The following GRIN2D variants were observed in gnomAD, a reference collection of about 807,000 sequenced individuals.
The protein encoded by GRIN2D is glutamate receptor ionotropic, NMDA 2D.
Under a neutral mutation model 103.2 loss-of-function variants are expected in GRIN2D, and 37 were observed. The observed-to-expected ratio is 0.36, with a 90% confidence interval of 0.28 to 0.47. The LOEUF is 0.47. Ranked by LOEUF, GRIN2D falls within the 20% of genes least tolerant of loss-of-function variation. The probability of loss-of-function intolerance (pLI) is 1.00; values close to 1 mark genes in which losing one functional copy is unlikely to be tolerated. For synonymous variants in GRIN2D, 845 were observed against 885.6 expected (o/e 0.95, Z 0.81); for missense variants, 1,557 against 1,910.6 (o/e 0.81, Z 3.45).
At chr19:48,408,025 C>T (rs1319090643) in intron 4 of GRIN2D, among the ~76,000 whole-genome samples, 2 of 151,950 alleles carry the variant, frequency 1.3e-5, no homozygotes, top group Admixed American at 1.3e-4. Context: ...TCCATCTCTA[C>T]AAAAAATTTA....
At chr19:48,428,542 T>C (rs1253010785) in intron 11 of GRIN2D, among the ~76,000 whole-genome samples, 3 of 151,994 alleles carry the variant, frequency 2.0e-5, no homozygotes, top group Admixed American at 1.3e-4. Flanking sequence ...TTTGTATTTT[T>C]AGTAGAGACG....
At chr19:48,401,258 G>A (rs946764158) in intron 3 of GRIN2D, among the ~76,000 whole-genome samples, 4 of 149,982 alleles carry the variant, frequency 2.7e-5, no homozygotes, top group Non-Finnish European at 3.0e-5. Flanking sequence ...AGTTCTAGAG[G>A]GGGGGGGAAA....
intron 11 of GRIN2D, among the ~76,000 whole-genome samples, chr19:48,432,618 A>G (rs1971171339): frequency 6.6e-6 from 1 of 151,494 alleles, no homozygotes; most frequent in Admixed American, 6.6e-5. Flanking sequence ...AGCTTGGACT[A>G]CAGGTGTGTG....
chr19:48,421,772 C>T lies in GRIN2D; in HGVS notation c.2092-13C>T. ...TGCGGAGGGTGCCCTAATCACTCCC[C>T]ATTCTGCCCCAGTTCCAGAGGCCCC... On this transcript the variant is annotated splice_polypyrimidine_tract_variant and intron_variant, in intron 10 of 13. Transcript: ENST00000263269. This position sits in a 1 kb window ranked among gnomAD's most constrained non-coding sequence, Gnocchi z 4.8. 1 of 1,611,764 alleles carries T rather than the reference C, an allele frequency of 6.2e-7. No individual in the cohort carries two copies. Among genetic ancestry groups the T allele is most frequent in the East Asian group, 2.2e-5 (1 of 44,854 alleles).
At chr19:48,395,648 T>G (rs1257468784) in intron 2 of GRIN2D, among the ~76,000 whole-genome samples, 1 of 151,904 alleles carries the variant, frequency 6.6e-6, no homozygotes, top group African/African-American at 2.4e-5. Context: ...CCCTAGGAAT[T>G]TCTGGCACCC....
chr19:48,443,232 G>T lies in GRIN2D; in HGVS notation c.3306G>T (p.Pro1102=). Residue 1102 remains proline (P), a synonymous_variant, in exon 14 of 14, where the codon CCG becomes CCT. Transcript: ENST00000263269. The surrounding 1 kb of genome is among the most constrained non-coding windows in gnomAD (Gnocchi z 8.9). ...APPPCRAAPP[P]CPYLDLEPSP... Reference sequence around the variant, plus strand: ...CCCCGTGCCGCGCCGCGCCGCCCCCGTGCCCTTACCTCGATCTCGAGCCGT... The same window carrying T: ...CCCCGTGCCGCGCCGCGCCGCCCCCTTGCCCTTACCTCGATCTCGAGCCGT... 8.2e-7 allele frequency: 1 copy of T among 1,222,946 alleles called. No homozygotes were observed. Among genetic ancestry groups the T allele is most frequent in the South Asian group, 1.4e-5 (1 of 73,948 alleles). The allele number at this position is 1,222,946 out of a possible 1,614,324, so 75.8% of individuals were successfully genotyped here. A position where few individuals can be genotyped will look rare whatever the true frequency, so the allele number is the denominator to read the frequency against.
At position 48,443,614 on chromosome 19, in the gene GRIN2D, C is replaced by T; in HGVS notation, c.3688C>T (p.Arg1230Trp). The change falls in exon 14 of 14, where the codon CGG becomes TGG. Residue 1230 changes from arginine (R) to tryptophan (W), a missense_variant. Physicochemically the swap from Arg to Trp is moderately radical, Grantham distance 101. Transcript: ENST00000263269. This position sits in a 1 kb window ranked among gnomAD's most constrained non-coding sequence, Gnocchi z 8.9. Reference sequence around the variant, plus strand: ...ACGCCGGGCCCGCTGCGGGTGCCCGCGGTCGCACCCGCACCGCCCGCGGGC... The same window carrying T: ...ACGCCGGGCCCGCTGCGGGTGCCCGTGGTCGCACCCGCACCGCCCGCGGGC... ...PRRRARCGCP[R>W]SHPHRPRASH... 1 of 1,093,392 alleles carries T rather than the reference C, an allele frequency of 9.1e-7. No homozygotes were observed. Among genetic ancestry groups the T allele is most frequent in the Non-Finnish European group, 1.1e-6 (1 of 902,310 alleles). 67.7% of individuals were successfully genotyped at this position (1,093,392 alleles called of 1,614,324 possible). A position where few individuals can be genotyped will look rare whatever the true frequency, so the allele number is the denominator to read the frequency against.
intron 8 of GRIN2D, among the ~76,000 whole-genome samples, chr19:48,416,780 G>A (rs552778642): frequency 1.7e-4 from 24 of 141,290 alleles, no homozygotes; most frequent in South Asian, 1.1e-3. Context: ...TCACTCTGTC[G>A]CCCAGGCTGG....
intron 9 of GRIN2D, 57 bp from the exon 10 acceptor site, chr19:48,419,528 T>TCC: frequency 8.3e-7 from 1 of 1,209,106 alleles, no homozygotes; most frequent in East Asian, 2.5e-5. Context: ...TTTTTTTTTT[T>TCC]CCCTTCCTTA....
Position 48,418,222 on chromosome 19 carries a change from G to A in GRIN2D, c.1736-1012G>A, listed in dbSNP as rs527284723. On this transcript the variant is annotated intron_variant, in intron 8 of 13. Coordinates refer to ENST00000263269, the MANE Select transcript of GRIN2D (RefSeq NM_000836.4). ...CTAATTTTGTATTTTTAGTAGAGAT[G>A]GGGTTTCACCATGTTGGCCAGGCTG... 4.0e-4 allele frequency among the ~76,000 whole-genome samples: 60 copies of A among 151,768 alleles called. 1 individual carries two copies. The highest frequency in any genetic ancestry group is 1.2e-3 in the African/African-American group (49 of 41,376).
At chr19:48,402,794 G>C (rs899193503) in intron 3 of GRIN2D, among the ~76,000 whole-genome samples, 2 of 145,058 alleles carry the variant, frequency 1.4e-5, no homozygotes, top group East Asian at 4.0e-4. Context: ...GAGAGAGAGA[G>C]AGAGAGAGAG....
chr19:48,427,985 C>G (rs10419031), intron 11 of GRIN2D, among the ~76,000 whole-genome samples: 18,769 of 151,034 alleles, frequency 0.12, 2,034 homozygotes, highest in African/African-American at 0.3. Context: ...GCTGTTGACT[C>G]TTGATCCCTG....
intron 12 of GRIN2D, 30 bp downstream of exon 12, chr19:48,441,986 G>A (rs757346185): frequency 3.8e-6 from 6 of 1,581,192 alleles, no homozygotes; most frequent in Non-Finnish European, 5.2e-6. Flanking sequence ...TTTCCACAGC[G>A]GAGAGGGGGA....
Position 48,404,724 on chromosome 19 carries a change from T to G in GRIN2D, c.466-10T>G. On this transcript the variant is annotated splice_polypyrimidine_tract_variant and intron_variant, in intron 3 of 13. Transcript: ENST00000263269. The stretch of plus-strand genomic sequence containing the variant: ...TCGGCAGGCCTGACATCCTCCTCCC[T>G]CCCTGGCAGGAGAAGGGCTCCACCT... 6.3e-7 allele frequency: 1 copy of G among 1,582,804 alleles called. No individual in the cohort carries two copies.
intron 3 of GRIN2D, among the ~76,000 whole-genome samples, chr19:48,400,482 C>T (rs910099666): frequency 3.3e-5 from 5 of 152,284 alleles, no homozygotes; most frequent in Middle Eastern, 3.4e-3. Flanking sequence ...CCCTGGGAGG[C>T]GAACTTATTT....
chr19:48,397,686 C>G (rs978392539), intron 2 of GRIN2D, among the ~76,000 whole-genome samples: 1 of 151,962 alleles, frequency 6.6e-6, no homozygotes, highest in Non-Finnish European at 1.5e-5. Context: ...GTTTCTGTCA[C>G]TCCGTCCTCT....
chr19:48,400,608 T>G (rs1047636300), intron 3 of GRIN2D, among the ~76,000 whole-genome samples: 2 of 152,188 alleles, frequency 1.3e-5, no homozygotes, highest in Non-Finnish European at 2.9e-5. Flanking sequence ...GTCGGCTCAG[T>G]GTACGCCCAT....
chr19:48,433,796 C>T (rs1211297034), intron 11 of GRIN2D, among the ~76,000 whole-genome samples: 1 of 152,130 alleles, frequency 6.6e-6, no homozygotes, highest in Non-Finnish European at 1.5e-5. Context: ...TCCAAACTAA[C>T]AGTACACACT....
chr19:48,416,580 C>T (rs1260014461), intron 8 of GRIN2D, among the ~76,000 whole-genome samples: 2 of 152,156 alleles, frequency 1.3e-5, no homozygotes, highest in African/African-American at 2.4e-5. Context: ...CTTGTAAGCA[C>T]TTAAGTCACC....
Sources: gnomAD v4.1 joint callset for allele counts (sites outside exome capture counted in the v4.1 genomes callset) on GRCh38, gnomAD v4.1.1 for gene constraint, Gnocchi (gnomAD v3.1) non-coding constraint, MANE v1.5 for transcripts, NCBI Gene and HGNC (gene_info 2026-07-23, HGNC 2026-07-21) for gene names.